Variants in UTRN observed in about 807,000 individuals in gnomAD.
UTRN encodes dystrophin-related protein 1.
A neutral mutation model predicts 463.9 loss-of-function variants in UTRN; 283 were observed. The ratio of observed to expected loss-of-function variants is 0.61; its 90% confidence interval spans 0.55 to 0.67. The LOEUF (loss-of-function observed/expected upper bound fraction) is 0.67, where lower values mean the gene tolerates loss of function less well. Ranked by LOEUF, UTRN falls within the 30% of genes least tolerant of loss-of-function variation. UTRN has a pLI of 0.00. For synonymous variants in UTRN, 1,442 were observed against 1,431.5 expected, an observed-to-expected ratio of 1.01 and a Z score of -0.17; for missense variants, 3,922 against 4,084.3, an observed-to-expected ratio of 0.96 and a Z score of 1.08.
At chr6:144,840,898 G>A (rs79437009) in intron 73 of UTRN, 66 bp downstream of exon 73, 75,739 of 1,554,354 alleles carry the variant, frequency 0.049, 2,053 homozygotes, top group South Asian at 0.061. Flanking sequence ...TTCTGCATGC[G>A]GCCCTTCGCC....
chr6:144,498,124 A>G (rs1215154681), intron 33 of UTRN, among the ~76,000 whole-genome samples: 3 of 152,250 alleles, frequency 2.0e-5, no homozygotes, highest in Non-Finnish European at 4.4e-5. Flanking sequence ...CCACATAAAC[A>G]TATTAATTAG....
intron 62 of UTRN, among the ~76,000 whole-genome samples, chr6:144,791,066 A>G (rs914584269): frequency 1.3e-5 from 2 of 152,170 alleles, no homozygotes; most frequent in Non-Finnish European, 2.9e-5. Flanking sequence ...TTTAATCTAA[A>G]TCTTTACTGG....
intron 58 of UTRN, among the ~76,000 whole-genome samples, chr6:144,761,762 T>C (rs76536565): frequency 2.6e-4 from 40 of 152,196 alleles, no homozygotes; most frequent in Non-Finnish European, 1.0e-4. Flanking sequence ...ATATCTCTCA[T>C]TGTAAATTTT....
Position 144,836,320 on chromosome 6 carries a change from GAGCAGCTGAAGGACC to G in UTRN, c.9849_9863del (p.Gln3283_Gln3287del). 6.2e-7 allele frequency: 1 copy of G among 1,614,108 alleles called. No homozygotes were observed. Among genetic ancestry groups the G allele is most frequent in the Non-Finnish European group, 8.5e-7 (1 of 1,179,992 alleles). ...TATTAGAAATCTACAGGTGGAGTAT[GAGCAGCTGAAGGACC>G]AGCACCTCCGAAGGGGGCTCCCTGT... On this transcript the variant is annotated inframe_deletion, in exon 71 of 75. Transcript: ENST00000367545.
intron 54 of UTRN, among the ~76,000 whole-genome samples, chr6:144,747,469 AC>A (rs1216675717): frequency 6.6e-6 from 1 of 151,750 alleles, no homozygotes; most frequent in Non-Finnish European, 1.5e-5. Context: ...TATATTTCTG[AC>A]CCTTGGCTTT....
intron 41 of UTRN, among the ~76,000 whole-genome samples, chr6:144,525,268 T>A (rs1220160603): frequency 3.9e-5 from 6 of 152,134 alleles, no homozygotes; most frequent in African/African-American, 1.2e-4. Flanking sequence ...TGGTACCAAT[T>A]CTTCTTTGAA....
intron 2 of UTRN, among the ~76,000 whole-genome samples, chr6:144,338,947 G>A (rs991578966): frequency 6.6e-6 from 1 of 152,132 alleles, no homozygotes; most frequent in Admixed American, 6.5e-5. Context: ...TGTATGTCAG[G>A]CATCCTTCAT....
At chr6:144,390,416 T>C (rs1781803867) in intron 2 of UTRN, among the ~76,000 whole-genome samples, 1 of 152,160 alleles carries the variant, frequency 6.6e-6, no homozygotes, top group South Asian at 2.1e-4. Flanking sequence ...TTCATGTTAA[T>C]CTCACTAAAG....
chr6:144,363,249 A>C (rs1371501852), intron 2 of UTRN, among the ~76,000 whole-genome samples: 2 of 152,206 alleles, frequency 1.3e-5, no homozygotes, highest in African/African-American at 2.4e-5. Context: ...GATGTTAGGA[A>C]AGAGTCTGTC....
intron 51 of UTRN, among the ~76,000 whole-genome samples, chr6:144,628,090 T>C (rs1248600126): frequency 6.6e-6 from 1 of 152,148 alleles, no homozygotes; most frequent in East Asian, 1.9e-4. Flanking sequence ...TGAGTCACCT[T>C]GCCTGGCCAA....
At chr6:144,436,203 C>G (rs556468661) in intron 10 of UTRN, 65 bp downstream of exon 10, 376 of 1,455,250 alleles carry the variant, frequency 2.6e-4, no homozygotes, top group Middle Eastern at 2.0e-3. Flanking sequence ...ATCAGGGACT[C>G]TACTCTCCTA....
intron 2 of UTRN, among the ~76,000 whole-genome samples, chr6:144,320,504 T>C (rs768385376): frequency 2.0e-5 from 3 of 152,178 alleles, no homozygotes; most frequent in Non-Finnish European, 4.4e-5. Flanking sequence ...GTAATATGTA[T>C]ACAAAGAATG....
intron 51 of UTRN, among the ~76,000 whole-genome samples, 198 bp from the exon 52 acceptor site, chr6:144,678,208 C>T (rs1585954022): frequency 6.6e-6 from 1 of 152,010 alleles, no homozygotes; most frequent in East Asian, 1.9e-4. Flanking sequence ...CAAGACAATC[C>T]TAAGCAAAAA....
chr6:144,416,620 T>C (rs1025391013), intron 3 of UTRN, among the ~76,000 whole-genome samples: 1 of 152,168 alleles, frequency 6.6e-6, no homozygotes, highest in Admixed American at 6.5e-5. Flanking sequence ...CTTGTCAAAA[T>C]GGTGATGGTA....
intron 41 of UTRN, among the ~76,000 whole-genome samples, chr6:144,524,709 A>G (rs1796409865): frequency 6.6e-6 from 1 of 152,104 alleles, no homozygotes; most frequent in Non-Finnish European, 1.5e-5. Context: ...TGCTCTGTCT[A>G]GGACTTCCGG....
At position 144,514,015 on chromosome 6, in the gene UTRN, G is replaced by T. The variant is rs1253170334; in HGVS notation, c.5051G>T (p.Ser1684Ile). 3.1e-6 allele frequency: 5 copies of T among 1,613,800 alleles called. No individual in the cohort carries two copies. The highest frequency in any genetic ancestry group is 4.2e-6 in the Non-Finnish European group (5 of 1,179,896). Reference sequence around the variant, plus strand: ...GATGAAATTGAAAAGAAACCAACAAGTAAACAGGAAGAAATTGTGAAGGTA... The same window carrying T: ...GATGAAATTGAAAAGAAACCAACAATTAAACAGGAAGAAATTGTGAAGGTA... ...LLDEIEKKPTSKQEEIVKRLV... is the reference protein window; with the variant it reads ...LLDEIEKKPTIKQEEIVKRLV... Residue 1684 changes from serine (S) to isoleucine (I), a missense_variant, in exon 36 of 75, where the codon AGT becomes ATT. This residue lies in a region of UTRN where 2,349 missense variants were observed against 2,303.8 expected (regional missense o/e 1.02). Transcript: ENST00000367545.
At chr6:144,350,947 A>T (rs867655524) in intron 2 of UTRN, among the ~76,000 whole-genome samples, 80 of 152,278 alleles carry the variant, frequency 5.3e-4, no homozygotes, top group African/African-American at 1.9e-3. Flanking sequence ...ATCATCCCAA[A>T]CTGTGCTGAG....
chr6:144,422,052 GA>G, intron 4 of UTRN, 82 bp downstream of exon 4: 6 of 1,113,272 alleles, frequency 5.4e-6, no homozygotes, highest in Non-Finnish European at 7.6e-6. Context: ...CCATTAAAGT[GA>G]AAGTATCCAT....
chr6:144,516,341 T>G lies in UTRN; in HGVS notation c.5357T>G (p.Leu1786Ter). ...TTAGAAAATGACATAGAAAATATGTTAAAATTTGTGGAAAAACACTTGGAA... is the reference window on the plus strand; with the variant it reads ...TTAGAAAATGACATAGAAAATATGTGAAAATTTGTGGAAAAACACTTGGAA... ...EKLENDIENM[L>*]KFVEKHLESS... The change falls in exon 38 of 75, where the codon TTA becomes TGA. Residue 1786 changes from leucine (L) to a stop codon, truncating the protein, a stop_gained. Transcript: ENST00000367545. LOFTEE classifies it high-confidence loss of function. The G allele has an allele frequency of 2.5e-6, 4 of 1,613,762 alleles. No individual in the cohort carries two copies. The highest frequency in any genetic ancestry group is 3.4e-6 in the Non-Finnish European group (4 of 1,179,894).
Sources: allele counts gnomAD v4.1 joint callset (sites outside exome capture counted in the v4.1 genomes callset), GRCh38; gene constraint gnomAD v4.1.1; regional missense constraint gnomAD v4.1.1; transcripts MANE v1.5; gene names NCBI Gene and HGNC (gene_info 2026-07-23, HGNC 2026-07-21).